The following PRKN variants were observed in gnomAD, a reference collection of about 807,000 sequenced individuals.
The protein encoded by PRKN is E3 ubiquitin-protein ligase parkin.
In PRKN, 56 loss-of-function variants were observed where a neutral mutation model predicts 59.5. The ratio of observed to expected loss-of-function variants is 0.94; its 90% CI spans 0.76 to 1.18. The LOEUF (loss-of-function observed/expected upper bound fraction) is 1.18, where lower values mean the gene tolerates loss of function less well. PRKN is among the 50% of genes most tolerant of loss of function. The probability of loss-of-function intolerance (pLI) is 0.00; values close to 1 mark genes in which losing one functional copy is unlikely to be tolerated. For synonymous variants in PRKN, 250 were observed against 222.1 expected, an observed-to-expected ratio of 1.13 and a Z score of -1.12; for missense variants, 657 against 596.4, an observed-to-expected ratio of 1.10 and a Z score of -1.06.
chr6:161,705,812 A>C (rs1786464827), intron 7 of PRKN, among the ~76,000 whole-genome samples: 1 of 152,086 alleles, frequency 6.6e-6, no homozygotes, highest in African/African-American at 2.4e-5. Context: ...CATTCTCTGC[A>C]TTTCTGTGGT....
chr6:162,390,027 A>G (rs1167970241), intron 2 of PRKN, among the ~76,000 whole-genome samples: 1 of 152,156 alleles, frequency 6.6e-6, no homozygotes, highest in Non-Finnish European at 1.5e-5. Flanking sequence ...GAGATTGCCA[A>G]TGCTTGCAAG....
At chr6:161,830,730 T>C (rs1323097780) in intron 6 of PRKN, among the ~76,000 whole-genome samples, 1 of 152,222 alleles carries the variant, frequency 6.6e-6, no homozygotes, top group African/African-American at 2.4e-5. Flanking sequence ...TCAAGCTAAT[T>C]TAGCTAACAA....
rs1779782862 is a variant in PRKN at position 161,546,014 on chromosome 6, G to A, written c.1083+2840C>T. Among the ~76,000 whole-genome samples the A allele has an allele frequency of 6.6e-6, 1 of 152,168 alleles. No homozygotes were observed. Among genetic ancestry groups the A allele is most frequent in the African/African-American group, 2.4e-5 (1 of 41,444 alleles). Reference sequence around the variant, plus strand: ...AGGCTAAAAATAGTAAGGTCTAGGTGCCCAGTTTCCTGCCGTAGATCTGAC... The same window carrying A: ...AGGCTAAAAATAGTAAGGTCTAGGTACCCAGTTTCCTGCCGTAGATCTGAC... On this transcript the variant is annotated intron_variant, in intron 9 of 11. Transcript: ENST00000366898. This position sits in a 1 kb window ranked among gnomAD's most constrained non-coding sequence, Gnocchi z 4.4.
At chr6:162,275,182 T>C (rs1025110527) in intron 2 of PRKN, 2 of 151,784 alleles carry the variant, frequency 1.3e-5, no homozygotes, top group Non-Finnish European at 2.9e-5. Flanking sequence ...GCTGCTTTGT[T>C]CTTCAAGAAG....
intron 1 of PRKN, among the ~76,000 whole-genome samples, chr6:162,597,067 C>T (rs1319138960): frequency 2.6e-5 from 4 of 152,146 alleles, no homozygotes; most frequent in African/African-American, 9.7e-5. Flanking sequence ...GTTCTAGTAA[C>T]TAAAAATAAA....
chr6:161,931,557 T>A (rs1779172617), intron 6 of PRKN, among the ~76,000 whole-genome samples: 2 of 152,146 alleles, frequency 1.3e-5, no homozygotes, highest in African/African-American at 2.4e-5. Flanking sequence ...GATTTCTTTA[T>A]CAATTACCCA....
intron 7 of PRKN, among the ~76,000 whole-genome samples, chr6:161,674,827 A>G (rs936375951): frequency 3.3e-5 from 5 of 152,220 alleles, no homozygotes; most frequent in African/African-American, 9.6e-5. Flanking sequence ...TACAAGTAGA[A>G]GAGTTGGTCT....
rs368374731 is a variant in PRKN, at chr6:162,449,075, A to AG, written c.8-5603dup. ...GCAATTTTTGTATTTTTAGTAGAGA[A>AG]GGGGTTTCCTCATGTTGGCCAGGCT... is the stretch of plus-strand genomic sequence containing the variant. On this transcript the variant is annotated intron_variant, in intron 1 of 11. Transcript: ENST00000366898. Among the ~76,000 whole-genome samples the AG allele has an allele frequency of 4.3e-3, 653 of 151,828 alleles. 5 individuals carry two copies. The highest frequency in any genetic ancestry group is 0.015 in the African/African-American group (626 of 41,418).
At chr6:162,378,305 C>T (rs772127157) in intron 2 of PRKN, among the ~76,000 whole-genome samples, 26 of 152,214 alleles carry the variant, frequency 1.7e-4, no homozygotes, top group East Asian at 1.9e-4. Context: ...TCTCGTTCTT[C>T]CTAAATCCCA....
At chr6:161,662,948 G>A (rs912224870) in intron 7 of PRKN, among the ~76,000 whole-genome samples, 3 of 152,186 alleles carry the variant, frequency 2.0e-5, no homozygotes, top group Admixed American at 6.5e-5. Context: ...ATCCCCACAT[G>A]TCGTGGAAGA....
At chr6:162,123,560 T>C (rs922672182) in intron 4 of PRKN, among the ~76,000 whole-genome samples, 4 of 152,196 alleles carry the variant, frequency 2.6e-5, no homozygotes, top group African/African-American at 9.6e-5. Flanking sequence ...TAAGATTCTG[T>C]TGCAAGTAAG....
intron 2 of PRKN, among the ~76,000 whole-genome samples, chr6:162,288,279 G>A (rs938426268): frequency 2.0e-5 from 3 of 152,056 alleles, no homozygotes; most frequent in East Asian, 1.9e-4. Context: ...AGTAGGCAGC[G>A]GTCTAAGGTA....
intron 1 of PRKN, among the ~76,000 whole-genome samples, chr6:162,493,921 A>G (rs1792934112): frequency 6.6e-6 from 1 of 152,210 alleles, no homozygotes; most frequent in African/African-American, 2.4e-5. Context: ...TTGTGAGATG[A>G]GGGAGAAAAC....
At chr6:162,405,292 G>A (rs924272087) in intron 2 of PRKN, among the ~76,000 whole-genome samples, 3 of 152,236 alleles carry the variant, frequency 2.0e-5, no homozygotes, top group South Asian at 2.1e-4. Context: ...ACAACTTCCC[G>A]AAAACATGCC....
intron 6 of PRKN, among the ~76,000 whole-genome samples, chr6:161,833,749 C>T (rs999527353): frequency 1.3e-5 from 2 of 152,160 alleles, no homozygotes; most frequent in African/African-American, 4.8e-5. Context: ...GTGTCCGAGG[C>T]TAGCACCCAC....
At chr6:162,472,804 T>TTATATATATATATATA (rs1290741228) in intron 1 of PRKN, among the ~76,000 whole-genome samples, 5 of 94,128 alleles carry the variant, frequency 5.3e-5, no homozygotes, top group East Asian at 9.6e-4. Context: ...AACTTTTATT[T>TTATATATATATATATA]TATATATATA....
chr6:161,909,274 T>C (rs1280897633), intron 6 of PRKN, among the ~76,000 whole-genome samples: 2 of 152,192 alleles, frequency 1.3e-5, no homozygotes, highest in Non-Finnish European at 2.9e-5. Context: ...TCTGTTTAAA[T>C]TCAGTAAACA....
At chr6:162,235,843 A>G (rs537411547) in intron 3 of PRKN, among the ~76,000 whole-genome samples, 1 of 150,010 alleles carries the variant, frequency 6.7e-6, no homozygotes, top group East Asian at 2.0e-4. Flanking sequence ...GGAGGGAGGA[A>G]AGGAGGGAGG....
chr6:162,444,256 T>A (rs1407815125), intron 1 of PRKN, among the ~76,000 whole-genome samples: 1 of 151,992 alleles, frequency 6.6e-6, no homozygotes, highest in Non-Finnish European at 1.5e-5. Context: ...TAGAGTCTCA[T>A]AATAGCCCCC....
Sources: allele counts gnomAD v4.1 joint callset (sites outside exome capture counted in the v4.1 genomes callset), GRCh38; gene constraint gnomAD v4.1.1; non-coding constraint Gnocchi (gnomAD v3.1); transcripts MANE v1.5; gene names NCBI Gene and HGNC (gene_info 2026-07-23, HGNC 2026-07-21).